Variants in FOXM1 observed in about 807,000 individuals in gnomAD.
FOXM1 encodes forkhead box protein M1.
Under a neutral mutation model 63.6 loss-of-function variants are expected in FOXM1, and 25 were observed. The observed-to-expected ratio is 0.39, with a 90% CI of 0.29 to 0.55. The LOEUF is 0.55. FOXM1 is among the 20% of genes least tolerant of loss of function. FOXM1 has a pLI of 0.60. For missense variants in FOXM1, 879 were observed against 958.7 expected, an observed-to-expected ratio of 0.92 and a Z score of 1.10; for synonymous variants, 387 against 376.9, an observed-to-expected ratio of 1.03 and a Z score of -0.31.
intron 3 of FOXM1, 95 bp from the exon 4 acceptor site, chr12:2,868,849 A>G (rs1047898692): frequency 1.3e-5 from 12 of 957,472 alleles, no homozygotes; most frequent in Non-Finnish European, 1.7e-5. Context: ...CCTTTATCCC[A>G]TAGGACGGTC....
chr12:2,860,711 A>G (rs1565463825), intron 8 of FOXM1, among the ~76,000 whole-genome samples: 1 of 151,784 alleles, frequency 6.6e-6, no homozygotes, highest in Non-Finnish European at 1.5e-5. Flanking sequence ...TGTCTCTACT[A>G]AAAATACAAA....
Position 2,864,384 on chromosome 12 carries a change from A to T in FOXM1, c.1202T>A (p.Leu401Gln). The T allele has an allele frequency of 6.2e-7, 1 of 1,614,118 alleles. No individual in the cohort carries two copies. The highest frequency in any genetic ancestry group is 1.1e-5 in the South Asian group (1 of 91,086). ...LQPSVKVPLPLAASLMSSELA... is the reference protein window; with the variant it reads ...LQPSVKVPLPQAASLMSSELA... ...CTCTGAGCTCATGAGGGAAGCCGCC[A>T]GGGGCAATGGCACCTTCACCGAGGG... The change falls in exon 8 of 9, where the codon CTG becomes CAG. Residue 401 changes from leucine to glutamine, a missense_variant. Around this residue, in one of 4 missense-constraint regions of FOXM1, gnomAD observed 486 missense variants for 453.5 expected, o/e 1.07. Transcript: ENST00000359843. This position sits in a 1 kb window ranked among gnomAD's most constrained non-coding sequence, Gnocchi z 5.1.
In FOXM1 at chr12:2,873,964, G is replaced by T. The variant is rs747308962; in HGVS notation, c.502+13C>A. On this transcript the variant is annotated intron_variant, in intron 2 of 8. Coordinates refer to ENST00000359843, the MANE Select transcript of FOXM1 (RefSeq NM_021953.4). ...CTGGGCTCCCTCACCCCTTTCCCTGGAAGACCACATACCACAGGTCTCCCG... is the reference window on the plus strand; with the variant it reads ...CTGGGCTCCCTCACCCCTTTCCCTGTAAGACCACATACCACAGGTCTCCCG... 3.1e-6 allele frequency: 5 copies of T among 1,600,724 alleles called. No homozygotes were observed. In the East Asian group the frequency reaches 1.1e-4, roughly 36 times the overall value.
rs1327534507 is a variant in FOXM1, at chr12:2,859,233, G to C, written c.1697C>G (p.Pro566Arg). Residue 566 changes from proline to arginine, a missense_variant, in exon 9 of 9, where the codon CCC becomes CGC. Transcript: ENST00000359843. Reference protein sequence around the residue: ...DEPELLFSEGPSTSRWAAELP... With the variant: ...DEPELLFSEGRSTSRWAAELP... ...CTCTGCGGCCCAGCGGGAAGTACTG[G>C]GCCCCTCTGAGAAGAGCAGCTCCGG... The C allele has an allele frequency of 1.9e-6, 3 of 1,613,468 alleles. No individual in the cohort carries two copies. In the African/African-American group the frequency reaches 4.0e-5, roughly 22 times the overall value.
intron 8 of FOXM1, among the ~76,000 whole-genome samples, chr12:2,863,381 C>T (rs28990720): frequency 0.024 from 3,619 of 152,110 alleles, 151 homozygotes; most frequent in African/African-American, 0.082. Flanking sequence ...TTTGCTTACC[C>T]AAATCTACTT....
At chr12:2,862,575 AGC>A (rs2098115851) in intron 8 of FOXM1, among the ~76,000 whole-genome samples, 6 of 152,320 alleles carry the variant, frequency 3.9e-5, no homozygotes, top group African/African-American at 1.4e-4. Flanking sequence ...TTGTTGCCTA[AGC>A]TAGAATGCAG....
Position 2,868,649 on chromosome 12 carries a change from T to C in FOXM1, c.760A>G (p.Arg254Gly). The change falls in exon 4 of 9, where the codon AGG (arginine) becomes GGG (glycine). Residue 254 changes from arginine (R) to glycine (G), a missense_variant. Arg to Gly is a moderately radical substitution (Grantham distance 125). Coordinates refer to ENST00000359843, the MANE Select transcript of FOXM1 (RefSeq NM_021953.4). Reference protein sequence around the residue: ...MIQFAINSTERKRMTLKDIYT... With the variant: ...MIQFAINSTEGKRMTLKDIYT... The stretch of plus-strand genomic sequence containing the variant: ...ATGTCTTTCAAAGTCATGCGCTTCC[T>C]CTCAGTGCTGTTGATGGCGAATTGT... The C allele has an allele frequency of 1.2e-6, 2 of 1,613,990 alleles. No individual in the cohort carries two copies. The highest frequency in any genetic ancestry group is 1.7e-6 in the Non-Finnish European group (2 of 1,179,964).
Position 2,858,600 on chromosome 12 carries a change from ATGG to A in FOXM1, c.*35_*37del. 1 of 1,580,868 alleles carries A rather than the reference ATGG, an allele frequency of 6.3e-7. No homozygotes were observed. The highest frequency in any genetic ancestry group is 2.2e-5 in the East Asian group (1 of 44,592). On this transcript the variant is annotated 3_prime_UTR_variant, in exon 9 of 9. Transcript: ENST00000359843. ...TGCACTGAGCCTTGGAGTGCCCGGG[ATGG>A]TGGACAGCTTGAGCACAGGGGCAAG...
intron 8 of FOXM1, chr12:2,863,712 T>C (rs1283007217): frequency 6.8e-6 from 1 of 147,582 alleles, no homozygotes; most frequent in African/African-American, 2.5e-5. Flanking sequence ...CACTTCTTTC[T>C]TTTCTTTTTT....
At chr12:2,865,145 C>T (rs992187119) in intron 6 of FOXM1, among the ~76,000 whole-genome samples, 2 of 152,202 alleles carry the variant, frequency 1.3e-5, no homozygotes, top group African/African-American at 4.8e-5. Context: ...CCCTGCTCTG[C>T]TCAGTGTGCC....
intron 8 of FOXM1, among the ~76,000 whole-genome samples, chr12:2,862,226 T>C (rs2098115171): frequency 6.7e-6 from 1 of 149,580 alleles, no homozygotes; most frequent in Admixed American, 6.7e-5. Flanking sequence ...ATGCACAACA[T>C]GATTACATTA....
intron 8 of FOXM1, among the ~76,000 whole-genome samples, chr12:2,863,353 A>G (rs1006915720): frequency 2.0e-5 from 3 of 152,082 alleles, no homozygotes; most frequent in Admixed American, 6.6e-5. Context: ...GCCCATTAGC[A>G]TGCTCTCTCT....
chr12:2,868,842 T>G, intron 3 of FOXM1, 88 bp from the exon 4 acceptor site: 1 of 1,044,432 alleles, frequency 9.6e-7, no homozygotes, highest in Non-Finnish European at 1.4e-6. Context: ...AGAGAAACCT[T>G]TATCCCATAG....
At chr12:2,868,870 C>T (rs1023028398) in intron 3 of FOXM1, 116 bp from the exon 4 acceptor site, 2 of 713,652 alleles carry the variant, frequency 2.8e-6, no homozygotes, top group Non-Finnish European at 4.6e-6. Flanking sequence ...TAGAAACAAA[C>T]TCATCTGAGA....
intron 8 of FOXM1, among the ~76,000 whole-genome samples, chr12:2,863,203 G>GCA (rs1035354556): frequency 1.3e-5 from 2 of 152,114 alleles, no homozygotes; most frequent in African/African-American, 4.8e-5. Context: ...ACCCTTCAGT[G>GCA]CACAGGACAG....
Position 2,859,641 on chromosome 12 carries a change from A to G in FOXM1, c.1289T>C (p.Ile430Thr), listed in dbSNP as rs1442833161. The G allele has an allele frequency of 6.2e-7, 1 of 1,609,812 alleles. No homozygotes were observed. The highest frequency in any genetic ancestry group is 8.5e-7 in the Non-Finnish European group (1 of 1,178,820). ...TGGTCCTGCAGAAGAAAGAGGAGCT[A>G]TCCCCTCCTCAGCTAGCAGCACCTG... Reference protein sequence around the residue: ...APKVLLAEEGIAPLSSAGPGK... With the variant: ...APKVLLAEEGTAPLSSAGPGK... Residue 430 changes from isoleucine to threonine, a missense_variant, in exon 9 of 9, where the codon ATA becomes ACA. Around this residue, in one of 4 missense-constraint regions of FOXM1, gnomAD observed 486 missense variants for 453.5 expected, o/e 1.07. Transcript: ENST00000359843.
rs376160082 is a variant in FOXM1, at chr12:2,864,701, C to T, written c.1072G>A (p.Glu358Lys). The change falls in exon 7 of 9, where the codon GAA (glutamate) becomes AAA (lysine). Residue 358 changes from glutamate to lysine, a missense_variant. By Grantham distance (56) the Glu-to-Lys change is moderately conservative. Transcript: ENST00000359843. This position sits in a 1 kb window ranked among gnomAD's most constrained non-coding sequence, Gnocchi z 5.1. Reference protein sequence around the residue: ...ELRRNMTIKTELPLGARRKMK... With the variant: ...ELRRNMTIKTKLPLGARRKMK... ...TACTAACGTGCGCCCAGGGGGAGTT[C>T]GGTTTTGATGGTCATGTTCCGGCGG... The T allele has an allele frequency of 5.6e-6, 9 of 1,614,110 alleles. No homozygotes were observed. Among genetic ancestry groups the T allele is most frequent in the South Asian group, 4.4e-5 (4 of 91,074 alleles).
At chr12:2,871,406 G>C (rs1000449104) in intron 3 of FOXM1, among the ~76,000 whole-genome samples, 5 of 152,136 alleles carry the variant, frequency 3.3e-5, no homozygotes, top group Non-Finnish European at 7.4e-5. Context: ...CAGCCCTTTG[G>C]GAGGCTGAGG....
chr12:2,873,467 C>A (rs1478159434), intron 2 of FOXM1, among the ~76,000 whole-genome samples: 1 of 151,636 alleles, frequency 6.6e-6, no homozygotes, highest in Non-Finnish European at 1.5e-5. Flanking sequence ...AATCCCAGCA[C>A]CTTGGGAGGC....
Sources: gnomAD v4.1 joint callset for allele counts (sites outside exome capture counted in the v4.1 genomes callset) on GRCh38, gnomAD v4.1.1 for gene constraint, gnomAD v4.1.1 regional missense constraint, Gnocchi (gnomAD v3.1) non-coding constraint, MANE v1.5 for transcripts, NCBI Gene and HGNC (gene_info 2026-07-23, HGNC 2026-07-21) for gene names.